CFHR5: variants seen among roughly 807,000 people sequenced by gnomAD.
The protein encoded by CFHR5 is complement factor H related 5, also known as complement factor H-related protein 5.
In CFHR5, 73 loss-of-function variants were observed where a neutral mutation model predicts 62.9. That is an observed-to-expected ratio of 1.16 (90% CI 0.96 to 1.41). CFHR5 has a LOEUF of 1.41. Among genes scored for constraint, CFHR5 ranks in the 40% most tolerant of loss-of-function variants. The probability of loss-of-function intolerance (pLI) is 0.00; values close to 1 mark genes in which losing one functional copy is unlikely to be tolerated. For missense variants in CFHR5, 779 were observed against 679.9 expected, an observed-to-expected ratio of 1.15 and a Z score of -1.62; for synonymous variants, 249 against 227.2, an observed-to-expected ratio of 1.10 and a Z score of -0.86.
chr1:196,978,701 T>A (rs1261139314), intron 1 of CFHR5, among the ~76,000 whole-genome samples: 1 of 152,326 alleles, frequency 6.6e-6, no homozygotes, highest in East Asian at 1.9e-4. Flanking sequence ...CTTTTAGTAC[T>A]GAGCTATAAT....
intron 3 of CFHR5, 92 bp from the exon 4 acceptor site, chr1:196,993,988 A>G (rs1653918372): frequency 3.2e-6 from 3 of 940,838 alleles, no homozygotes; most frequent in Admixed American, 3.7e-5. Context: ...TACTCTGTAT[A>G]TGAAGCCCCT....
Position 197,000,301 on chromosome 1 carries a change from A to C in CFHR5, c.1147+1997A>C, listed in dbSNP as rs1654120876. 2.0e-5 allele frequency among the ~76,000 whole-genome samples: 3 copies of C among 152,054 alleles called. No individual in the cohort carries two copies. The South Asian group carries it at 6.2e-4, about 32-fold the overall frequency. On this transcript the variant is annotated intron_variant, in intron 7 of 9. Coordinates refer to ENST00000256785, the MANE Select transcript of CFHR5 (RefSeq NM_030787.4). ...TTGCTTGTTCTTGAGAAAAATAATA[A>C]AATTTCTCATTTTATGCATCAGAAA...
intron 7 of CFHR5, among the ~76,000 whole-genome samples, chr1:197,001,974 G>A (rs999394733): frequency 3.9e-5 from 6 of 151,982 alleles, no homozygotes; most frequent in African/African-American, 1.4e-4. Context: ...GTCCAACGGA[G>A]GCATTCCAGT....
intron 9 of CFHR5, among the ~76,000 whole-genome samples, chr1:197,005,224 G>C (rs1366040061): frequency 1.3e-5 from 2 of 151,960 alleles, no homozygotes; most frequent in Non-Finnish European, 2.9e-5. Flanking sequence ...ACTATATAAG[G>C]TTCTACTTGT....
intron 3 of CFHR5, among the ~76,000 whole-genome samples, chr1:196,988,078 T>C (rs1418430307): frequency 2.0e-5 from 3 of 152,048 alleles, no homozygotes; most frequent in Non-Finnish European, 4.4e-5. Context: ...TTGAAGAGAT[T>C]CTTCACATCC....
At chr1:197,008,218 A>G (rs1654342267) in intron 9 of CFHR5, among the ~76,000 whole-genome samples, 2 of 151,458 alleles carry the variant, frequency 1.3e-5, no homozygotes, top group African/African-American at 2.4e-5. Context: ...TTCTGAACTC[A>G]TACTGGCAGG....
At chr1:197,002,695 T>G in intron 8 of CFHR5, 31 bp downstream of exon 8, 1 of 1,555,266 alleles carries the variant, frequency 6.4e-7, no homozygotes, top group Non-Finnish European at 8.9e-7. Context: ...TAATTTCACT[T>G]AAAAAGAGGT....
chr1:197,004,571 C>T, intron 8 of CFHR5, 90 bp from the exon 9 acceptor site: 1 of 1,022,170 alleles, frequency 9.8e-7, no homozygotes, highest in Non-Finnish European at 1.5e-6. Context: ...TTTCCAGACA[C>T]CTTATATTAA....
intron 7 of CFHR5, among the ~76,000 whole-genome samples, chr1:197,000,217 G>C (rs1164192617): frequency 6.6e-6 from 1 of 152,072 alleles, no homozygotes; most frequent in African/African-American, 2.4e-5. Flanking sequence ...AGAGCTGGTA[G>C]CTAGTAGTCT....
intron 3 of CFHR5, among the ~76,000 whole-genome samples, chr1:196,986,046 T>C (rs1443875427): frequency 2.6e-5 from 4 of 152,206 alleles, no homozygotes; most frequent in East Asian, 3.8e-4. Flanking sequence ...ATATTGAGGT[T>C]ATCAGAGTAG....
In CFHR5 at chr1:197,005,229, A is replaced by C. The variant is rs58236131; in HGVS notation, c.1513+386A>C. Among the ~76,000 whole-genome samples, 910 of 152,288 alleles carry C rather than the reference A, an allele frequency of 6.0e-3. 16 individuals carry two copies. The highest frequency in any genetic ancestry group is 0.021 in the African/African-American group (874 of 41,554). On this transcript the variant is annotated intron_variant, in intron 9 of 9. Coordinates refer to ENST00000256785, the MANE Select transcript of CFHR5 (RefSeq NM_030787.4). ...GTCATTTAATACTATATAAGGTTCT[A>C]CTTGTAAACCTGAAAGCTTTCCCTA...
At chr1:196,982,232 T>G (rs1157031163) in intron 1 of CFHR5, among the ~76,000 whole-genome samples, 1 of 152,218 alleles carries the variant, frequency 6.6e-6, no homozygotes, top group Non-Finnish European at 1.5e-5. Context: ...ACTCCTCTAC[T>G]GTACACTACA....
At chr1:196,993,139 G>T (rs541254438) in intron 3 of CFHR5, among the ~76,000 whole-genome samples, 107 of 152,214 alleles carry the variant, frequency 7.0e-4, no homozygotes, top group African/African-American at 2.4e-3. Flanking sequence ...ACATATTAGT[G>T]ATAGAGTTGA....
rs192324229 is a variant in CFHR5, at chr1:196,987,944, A to G, written c.430+3807A>G. ...ACTTGATGCGGATGGCATTGACTCTATAAATTACCTTGGGCAGTATGGCCA... is the reference window on the plus strand; with the variant it reads ...ACTTGATGCGGATGGCATTGACTCTGTAAATTACCTTGGGCAGTATGGCCA... On this transcript the variant is annotated intron_variant, in intron 3 of 9. Transcript: ENST00000256785. Among the ~76,000 whole-genome samples, 389 of 152,256 alleles carry G rather than the reference A, an allele frequency of 2.6e-3. 2 individuals carry two copies. The highest frequency in any genetic ancestry group is 8.4e-3 in the African/African-American group (349 of 41,526).
rs750159388 is a variant in CFHR5 at position 197,004,830 on chromosome 1, A to C, written c.1500A>C (p.Pro500=). 3 of 1,612,312 alleles carry C rather than the reference A, an allele frequency of 1.9e-6. No individual in the cohort carries two copies. The African/African-American group carries it at 4.0e-5, about 22-fold the overall frequency. The change falls in exon 9 of 10, where the codon CCA becomes CCC. Residue 500 remains proline (P), a synonymous_variant. Coordinates refer to ENST00000256785, the MANE Select transcript of CFHR5 (RefSeq NM_030787.4). ...GCAGAAATAAACAGTGGTCAGAACCACCAAGATGCCTAGGTGAGTTCTTAA... is the reference window on the plus strand; with the variant it reads ...GCAGAAATAAACAGTGGTCAGAACCCCCAAGATGCCTAGGTGAGTTCTTAA... ...VTCRNKQWSE[P]PRCLDPCVVS...
intron 1 of CFHR5, among the ~76,000 whole-genome samples, chr1:196,979,210 T>C (rs1186134535): frequency 6.6e-6 from 1 of 151,396 alleles, no homozygotes; most frequent in Non-Finnish European, 1.5e-5. Flanking sequence ...AAAAGCAAAA[T>C]GTAAATAGGC....
intron 1 of CFHR5, among the ~76,000 whole-genome samples, chr1:196,980,847 A>T (rs1011613973): frequency 1.3e-5 from 2 of 152,272 alleles, no homozygotes; most frequent in Admixed American, 1.3e-4. Context: ...GAACTAAGTT[A>T]TTCTGGATAG....
chr1:196,981,566 C>A (rs1333420599), intron 1 of CFHR5, among the ~76,000 whole-genome samples: 1 of 151,782 alleles, frequency 6.6e-6, no homozygotes, highest in East Asian at 1.9e-4. Context: ...CCATTTTCTA[C>A]ATTGTTTTAC....
intron 1 of CFHR5, among the ~76,000 whole-genome samples, chr1:196,980,205 A>G (rs1653503173): frequency 6.6e-6 from 1 of 152,262 alleles, no homozygotes; most frequent in Non-Finnish European, 1.5e-5. Flanking sequence ...TTCTTCTGGA[A>G]TAGTTCCTGA....
Sources: allele counts gnomAD v4.1 joint callset (sites outside exome capture counted in the v4.1 genomes callset), GRCh38; gene constraint gnomAD v4.1.1; transcripts MANE v1.5; gene names NCBI Gene and HGNC (gene_info 2026-07-23, HGNC 2026-07-21).